Variants in CFTR observed in about 807,000 individuals in gnomAD.
CFTR encodes cystic fibrosis transmembrane conductance regulator.
CFTR carries 181 observed loss-of-function variants against 171.6 expected under a neutral mutation model. The ratio of observed to expected loss-of-function variants is 1.05; its 90% confidence interval spans 0.93 to 1.19. The LOEUF (loss-of-function observed/expected upper bound fraction) is 1.19. Among genes scored for constraint, CFTR ranks in the 50% most tolerant of loss-of-function variants. The pLI, the probability that CFTR is intolerant of heterozygous loss-of-function variation, is 0.00. For missense variants in CFTR, 1,968 were observed against 1,734.7 expected (o/e 1.13, Z -2.39); for synonymous variants, 583 against 608.0 (o/e 0.96, Z 0.60).
intron 22 of CFTR, 121 bp from the exon 23 acceptor site, chr7:117,642,317 A>G (rs1392426759): frequency 6.0e-6 from 6 of 993,214 alleles, no homozygotes; most frequent in Non-Finnish European, 9.5e-6. Flanking sequence ...ATAAGTGAAA[A>G]TCTTCCACTG....
intron 22 of CFTR, among the ~76,000 whole-genome samples, chr7:117,636,379 G>C (rs1190282393): frequency 6.6e-6 from 1 of 151,526 alleles, no homozygotes; most frequent in African/African-American, 2.4e-5. Flanking sequence ...ATTTTTTTTG[G>C]CATTATTCTG....
At chr7:117,505,946 A>G (rs1176624704) in intron 2 of CFTR, among the ~76,000 whole-genome samples, 1 of 152,178 alleles carries the variant, frequency 6.6e-6, no homozygotes, top group Non-Finnish European at 1.5e-5. Flanking sequence ...TCTATTATTG[A>G]ACACTTGGTG....
At chr7:117,556,913 T>A (rs1799371082) in intron 10 of CFTR, among the ~76,000 whole-genome samples, 1 of 152,162 alleles carries the variant, frequency 6.6e-6, no homozygotes, top group African/African-American at 2.4e-5. Context: ...TTTCCATGAA[T>A]TAGCTTTTAG....
chr7:117,634,995 T>C (rs553575244), intron 22 of CFTR, among the ~76,000 whole-genome samples: 173 of 152,252 alleles, frequency 1.1e-3, no homozygotes, highest in African/African-American at 4.0e-3. Context: ...TGAATTCAAC[T>C]ATGTCCTTAC....
chr7:117,540,280 C>T lies in CFTR; in HGVS notation c.1050C>T (p.Val350=). 1 of 1,613,970 alleles carries T rather than the reference C, an allele frequency of 6.2e-7. No individual in the cohort carries two copies. Among genetic ancestry groups the T allele is most frequent in the Non-Finnish European group, 8.5e-7 (1 of 1,179,878 alleles). ...ISFCIVLRMA[V]TRQFPWAVQT... ...TCTGCATTGTTCTGCGCATGGCGGT[C>T]ACTCGGCAATTTCCCTGGGCTGTAC... Residue 350 remains valine (V), a synonymous_variant, in exon 8 of 27, where the codon GTC becomes GTT. Transcript: ENST00000003084.
chr7:117,638,927 T>C (rs1792870774), intron 22 of CFTR, among the ~76,000 whole-genome samples: 1 of 152,046 alleles, frequency 6.6e-6, no homozygotes, highest in South Asian at 2.1e-4. Flanking sequence ...AGAAGTCAAC[T>C]CAAATTTAGT....
Position 117,595,121 on chromosome 7 carries a change from G to A in CFTR, c.2619+63G>A, listed in dbSNP as rs765869646. 117 of 1,365,348 alleles carry A rather than the reference G, an allele frequency of 8.6e-5. 1 individual carries two copies. Among genetic ancestry groups the A allele is most frequent in the Non-Finnish European group, 1.1e-4 (106 of 969,106 alleles). 84.6% of individuals were successfully genotyped at this position (1,365,348 alleles called of 1,614,324 possible). ...AGTTAAATTAAGATAGTTTGGGGAT[G>A]TATACATATATATGCACACACATAA... is the stretch of plus-strand genomic sequence containing the variant. On this transcript the variant is annotated intron_variant, in intron 15 of 26. Transcript: ENST00000003084.
chr7:117,504,157 A>G, intron 1 of CFTR, 96 bp from the exon 2 acceptor site: 1 of 759,180 alleles, frequency 1.3e-6, no homozygotes. Context: ...CATGTGCATA[A>G]TTTTCCATAT....
intron 23 of CFTR, 28 bp from the exon 24 acceptor site, chr7:117,652,814 T>C (rs1562925996): frequency 9.0e-7 from 1 of 1,105,892 alleles, no homozygotes; most frequent in South Asian, 1.3e-5. Flanking sequence ...TTATTCATAC[T>C]TTCTTCTTCT....
At chr7:117,581,931 T>A (rs559162791) in intron 11 of CFTR, among the ~76,000 whole-genome samples, 5 of 152,014 alleles carry the variant, frequency 3.3e-5, no homozygotes, top group African/African-American at 1.2e-4. Flanking sequence ...AAATTTTGCA[T>A]TTTTTGTGGG....
rs556605646 is a variant in CFTR at position 117,563,844 on chromosome 7, T to C, written c.1584+4189T>C. Reference sequence around the variant, plus strand: ...TATCCCTGAGTCCCTGTTCCCTTTTTTGTCCTGCTGACTTTTGGAACTGAT... The same window carrying C: ...TATCCCTGAGTCCCTGTTCCCTTTTCTGTCCTGCTGACTTTTGGAACTGAT... On this transcript the variant is annotated intron_variant, in intron 11 of 26. Transcript: ENST00000003084. 6.6e-5 allele frequency among the ~76,000 whole-genome samples: 10 copies of C among 152,332 alleles called. No homozygotes were observed. The East Asian group carries it at 1.3e-3, about 21-fold the overall frequency.
At chr7:117,547,551 A>G (rs2115898680) in intron 9 of CFTR, among the ~76,000 whole-genome samples, 1 of 152,228 alleles carries the variant, frequency 6.6e-6, no homozygotes, top group African/African-American at 2.4e-5. Context: ...GTTAATTAAA[A>G]TGCCTTATTC....
At chr7:117,529,514 A>T (rs911994213) in intron 3 of CFTR, among the ~76,000 whole-genome samples, 11 of 36,406 alleles carry the variant, frequency 3.0e-4, no homozygotes, top group Admixed American at 2.1e-3. Context: ...CTTAGAGTAT[A>T]AAAAAAAAAA....
At chr7:117,596,871 A>G (rs572504119) in intron 15 of CFTR, among the ~76,000 whole-genome samples, 1 of 152,288 alleles carries the variant, frequency 6.6e-6, no homozygotes, top group South Asian at 2.1e-4. Context: ...TTGTAAATAC[A>G]CCAATGGACA....
chr7:117,480,549 A>G (rs545364095), intron 1 of CFTR, among the ~76,000 whole-genome samples: 44 of 152,286 alleles, frequency 2.9e-4, no homozygotes, highest in African/African-American at 9.9e-4. Context: ...CCATGCCTGC[A>G]TATAGTAAGT....
intron 20 of CFTR, among the ~76,000 whole-genome samples, chr7:117,612,047 A>G (rs866083669): frequency 7.9e-5 from 6 of 75,992 alleles, no homozygotes; most frequent in African/African-American, 1.8e-4. Context: ...ATATATATAT[A>G]TATATACATA....
In CFTR at chr7:117,498,815, TG is replaced by T. The variant is rs1798277755; in HGVS notation, c.54-5437del. On this transcript the variant is annotated intron_variant, in intron 1 of 26. Transcript: ENST00000003084. ...CTTTCCTCTGCCTGTCTTCAACATTTGTTTTTTTTTTTTTTTGGTTAGGACT... is the reference window on the plus strand; with the variant it reads ...CTTTCCTCTGCCTGTCTTCAACATTTTTTTTTTTTTTTTTTGGTTAGGACT... Among the ~76,000 whole-genome samples, 7 of 151,672 alleles carry T rather than the reference TG, an allele frequency of 4.6e-5. No individual in the cohort carries two copies. The South Asian group carries it at 1.5e-3, about 32-fold the overall frequency.
intron 9 of CFTR, among the ~76,000 whole-genome samples, chr7:117,544,547 A>G (rs1052872282): frequency 6.6e-6 from 1 of 152,182 alleles, no homozygotes; most frequent in African/African-American, 2.4e-5. Context: ...TTTTGTGTCT[A>G]AGAGAAAGAT....
Position 117,631,147 on chromosome 7 carries a change from G to A in CFTR, c.3717+3377G>A, listed in dbSNP as rs186987556. 5.9e-5 allele frequency among the ~76,000 whole-genome samples: 9 copies of A among 152,066 alleles called. No individual in the cohort carries two copies. The East Asian group carries it at 1.7e-3, about 30-fold the overall frequency. ...GGCACTGTGCCCAACCTCCAATTTTGGATTTTGAGAGCTAAAGCAATATAG... is the reference window on the plus strand; with the variant it reads ...GGCACTGTGCCCAACCTCCAATTTTAGATTTTGAGAGCTAAAGCAATATAG... On this transcript the variant is annotated intron_variant, in intron 22 of 26. Transcript: ENST00000003084.
Sources: gnomAD v4.1 joint callset for allele counts (sites outside exome capture counted in the v4.1 genomes callset) on GRCh38, gnomAD v4.1.1 for gene constraint, MANE v1.5 for transcripts, NCBI Gene and HGNC (gene_info 2026-07-23, HGNC 2026-07-21) for gene names.